The following CHD7 variants were observed in gnomAD, a reference collection of about 807,000 sequenced individuals.
CHD7 encodes the protein chromodomain helicase DNA binding protein 7, also known as ATP-dependent chromatin remodeler CHD7.
A neutral mutation model predicts 307.3 loss-of-function variants in CHD7; 24 were observed. The ratio of observed to expected loss-of-function variants is 0.08; its 90% CI spans 0.06 to 0.11. CHD7 has a LOEUF of 0.11. Among genes scored for constraint, CHD7 ranks in the 10% least tolerant of loss-of-function variants. The pLI, the probability that CHD7 is intolerant of heterozygous loss-of-function variation, is 1.00. For missense variants in CHD7, 3,106 were observed against 3,727.1 expected, an observed-to-expected ratio of 0.83 and a Z score of 4.34; for synonymous variants, 1,363 against 1,349.9, an observed-to-expected ratio of 1.01 and a Z score of -0.21.
intron 1 of CHD7, among the ~76,000 whole-genome samples, chr8:60,687,782 G>A (rs1236717365): frequency 6.6e-6 from 1 of 152,186 alleles, no homozygotes; most frequent in African/African-American, 2.4e-5. Context: ...CAGATGAGGA[G>A]ACTAAAAGGG....
chr8:60,779,975 C>T (rs1811131545), intron 2 of CHD7, among the ~76,000 whole-genome samples: 1 of 152,172 alleles, frequency 6.6e-6, no homozygotes, highest in South Asian at 2.1e-4. Context: ...AGATCGTTTA[C>T]ATTACAGTTA....
intron 6 of CHD7, among the ~76,000 whole-genome samples, chr8:60,801,866 TTGTAGAC>T (rs1190748672): frequency 6.6e-6 from 1 of 152,096 alleles, no homozygotes; most frequent in Non-Finnish European, 1.5e-5. Context: ...ACTTTCAGAG[TTGTAGAC>T]TGCCTTTTTC....
chr8:60,728,263 T>G (rs764419271), intron 1 of CHD7, among the ~76,000 whole-genome samples: 23 of 152,264 alleles, frequency 1.5e-4, no homozygotes, highest in Non-Finnish European at 3.1e-4. Flanking sequence ...AAAGGTGTCA[T>G]CAGTGTGCAG....
chr8:60,708,614 A>G (rs1189396337), intron 1 of CHD7, among the ~76,000 whole-genome samples: 1 of 152,184 alleles, frequency 6.6e-6, no homozygotes, highest in Admixed American at 6.5e-5. Flanking sequence ...TATAGTCCAC[A>G]ACAGGCCTAC....
At chr8:60,695,608 C>T (rs1806427732) in intron 1 of CHD7, among the ~76,000 whole-genome samples, 1 of 152,116 alleles carries the variant, frequency 6.6e-6, no homozygotes, top group African/African-American at 2.4e-5. Flanking sequence ...TATGGGTCTA[C>T]TAAAAAGGCG....
Position 60,867,588 on chromosome 8 carries a change from T to C in CHD7, c.*1655T>C, listed in dbSNP as rs1806280480. 1 of 152,256 alleles carries C rather than the reference T, an allele frequency of 6.6e-6. No homozygotes were observed. Among genetic ancestry groups the C allele is most frequent in the African/African-American group, 2.4e-5 (1 of 41,458 alleles). 9.4% of individuals were successfully genotyped at this position (152,256 alleles called of 1,614,324 possible). A position where few individuals can be genotyped will look rare whatever the true frequency, so the allele number is the denominator to read the frequency against. On this transcript the variant is annotated 3_prime_UTR_variant, in exon 38 of 38. Transcript: ENST00000423902. ...TCCAGTTAAAAAGCAGGGGAAGGGA[T>C]GTGGACGAGAGTGTTTCGTGTGTGT...
intron 15 of CHD7, 27 bp from the exon 16 acceptor site, chr8:60,836,046 T>C (rs941719531): frequency 6.5e-7 from 1 of 1,542,988 alleles, no homozygotes; most frequent in African/African-American, 1.4e-5. Context: ...TTTACAGTAT[T>C]CACGTTATGC....
Position 60,816,129 on chromosome 8 carries a change from C to G in CHD7, c.2499-258C>G, listed in dbSNP as rs200026248. ...TGTCTGTCTGTCTCTCTCTCTCTCT[C>G]TCTCTCTCTCTCTCTCTCTCTCTCT... On this transcript the variant is annotated intron_variant, in intron 7 of 37. Coordinates refer to ENST00000423902, the MANE Select transcript of CHD7 (RefSeq NM_017780.4). Among the ~76,000 whole-genome samples the G allele has an allele frequency of 0.15, 22,688 of 150,792 alleles. 1,979 individuals are homozygous for G. The highest frequency in any genetic ancestry group is 0.25 in the East Asian group (1,260 of 5,142).
intron 2 of CHD7, among the ~76,000 whole-genome samples, chr8:60,773,506 G>T (rs1810809736): frequency 6.6e-6 from 1 of 152,224 alleles, no homozygotes; most frequent in Non-Finnish European, 1.5e-5. Context: ...CTAGGGGTGT[G>T]TGTGTAGATA....
In CHD7 at chr8:60,867,541, C is replaced by T. The variant is rs1232679928; in HGVS notation, c.*1608C>T. 1 of 152,204 alleles carries T rather than the reference C, an allele frequency of 6.6e-6. No individual in the cohort carries two copies. Among genetic ancestry groups the T allele is most frequent in the Non-Finnish European group, 1.5e-5 (1 of 68,036 alleles). The allele number at this position is 152,204 out of a possible 1,614,324, so 9.4% of individuals were successfully genotyped here. On this transcript the variant is annotated 3_prime_UTR_variant, in exon 38 of 38. Transcript: ENST00000423902. ...TTTTCACCTTTTTATGTCACCTGAA[C>T]CAACACAAAGCCATATTTCCATCCA...
intron 7 of CHD7, among the ~76,000 whole-genome samples, chr8:60,816,151 CTCTG>C (rs1307943562): frequency 6.7e-6 from 1 of 148,278 alleles, no homozygotes; most frequent in East Asian, 2.0e-4. Context: ...CTCTCTCTCT[CTCTG>C]TAACAGGTAA....
At chr8:60,682,199 C>G (rs1805664300) in intron 1 of CHD7, among the ~76,000 whole-genome samples, 1 of 152,112 alleles carries the variant, frequency 6.6e-6, no homozygotes, top group Non-Finnish European at 1.5e-5. Context: ...AGTATTTGGT[C>G]TAGTTTTTAA....
At chr8:60,794,693 C>G (rs1563606527) in intron 3 of CHD7, among the ~76,000 whole-genome samples, 1 of 152,160 alleles carries the variant, frequency 6.6e-6, no homozygotes, top group Non-Finnish European at 1.5e-5. Context: ...ACTTCTTAAT[C>G]TGATTTTTTA....
chr8:60,825,893 G>C (rs912125709), intron 13 of CHD7, among the ~76,000 whole-genome samples: 1 of 151,654 alleles, frequency 6.6e-6, no homozygotes, highest in Non-Finnish European at 1.5e-5. Context: ...GAATGTGCAG[G>C]TTTGTTACAT....
intron 35 of CHD7, 104 bp from the exon 36 acceptor site, chr8:60,862,092 C>A: frequency 1.1e-6 from 1 of 886,310 alleles, no homozygotes; most frequent in Non-Finnish European, 1.6e-6. Flanking sequence ...ATTCTTGAAA[C>A]TTCCATAATA....
intron 2 of CHD7, among the ~76,000 whole-genome samples, chr8:60,743,724 TG>T (rs1304139966): frequency 6.6e-6 from 1 of 152,238 alleles, no homozygotes; most frequent in Non-Finnish European, 1.5e-5. Flanking sequence ...TTTTGTAAGC[TG>T]ACGTTTTTGT....
At chr8:60,686,886 C>T (rs1805927094) in intron 1 of CHD7, among the ~76,000 whole-genome samples, 1 of 152,138 alleles carries the variant, frequency 6.6e-6, no homozygotes, top group Non-Finnish European at 1.5e-5. Flanking sequence ...TTTTAGAGGC[C>T]ACTGTGTCCT....
intron 25 of CHD7, among the ~76,000 whole-genome samples, chr8:60,849,506 G>A (rs1373137988): frequency 6.6e-6 from 1 of 152,152 alleles, no homozygotes; most frequent in Admixed American, 6.5e-5. Context: ...TGGACGGTGG[G>A]CTTAACCTCT....
chr8:60,740,012 A>G (rs1808913694), intron 1 of CHD7, among the ~76,000 whole-genome samples: 1 of 152,242 alleles, frequency 6.6e-6, no homozygotes, highest in East Asian at 1.9e-4. Flanking sequence ...CATTTTCTCT[A>G]TATGAATTAG....
Sources: gnomAD v4.1 joint callset for allele counts (sites outside exome capture counted in the v4.1 genomes callset) on GRCh38, gnomAD v4.1.1 for gene constraint, MANE v1.5 for transcripts, NCBI Gene and HGNC (gene_info 2026-07-23, HGNC 2026-07-21) for gene names.